Variants in COL25A1 observed in about 807,000 individuals in gnomAD.
COL25A1 encodes collagen type XXV alpha 1 chain.
In COL25A1, 103 loss-of-function variants were observed where a neutral mutation model predicts 128.4. The observed-to-expected ratio is 0.80, with a 90% CI of 0.68 to 0.94. The LOEUF (loss-of-function observed/expected upper bound fraction) is 0.94, where lower values mean the gene tolerates loss of function less well. Ranked by LOEUF, COL25A1 falls within the 40% of genes least tolerant of loss-of-function variation. The pLI, the probability that COL25A1 is intolerant of heterozygous loss-of-function variation, is 0.00. For synonymous variants in COL25A1, 279 were observed against 277.2 expected (o/e 1.01, Z -0.06); for missense variants, 745 against 840.0 (o/e 0.89, Z 1.40).
chr4:109,299,558 A>G (rs773885824), intron 3 of COL25A1, among the ~76,000 whole-genome samples: 4 of 152,160 alleles, frequency 2.6e-5, no homozygotes, highest in Non-Finnish European at 5.9e-5. Flanking sequence ...AGTTATCATG[A>G]GGGGGAAACG....
intron 8 of COL25A1, among the ~76,000 whole-genome samples, chr4:108,966,955 AAAAG>A (rs931534242): frequency 5.3e-5 from 8 of 151,262 alleles, no homozygotes; most frequent in Non-Finnish European, 7.4e-5. Context: ...GAAAGAAAGA[AAAAG>A]AAAGAAAGAA....
Position 109,197,479 on chromosome 4 carries a change from T to TTA in COL25A1, c.367+103102_367+103103dup, listed in dbSNP as rs1161999525. Among the ~76,000 whole-genome samples the TTA allele has an allele frequency of 5.9e-3, 691 of 117,774 alleles. 7 individuals carry two copies. Among genetic ancestry groups the TTA allele is most frequent in the African/African-American group, 0.02 (632 of 32,208 alleles). 77.3% of individuals were successfully genotyped at this position (117,774 alleles called of 152,430 possible). A position where few individuals can be genotyped will look rare whatever the true frequency, so the allele number is the denominator to read the frequency against. ...ATATAAATATTATATATAATATATATTATATATTATATATAAATATATATT... is the reference window on the plus strand; with the variant it reads ...ATATAAATATTATATATAATATATATTATATATATTATATATAAATATATATT... On this transcript the variant is annotated intron_variant, in intron 3 of 37. Coordinates refer to ENST00000399132, the MANE Select transcript of COL25A1 (RefSeq NM_198721.4).
intron 3 of COL25A1, among the ~76,000 whole-genome samples, chr4:109,248,860 G>A (rs1000284316): frequency 6.6e-6 from 1 of 152,126 alleles, no homozygotes; most frequent in Non-Finnish European, 1.5e-5. Context: ...ATAAGAAGAA[G>A]CACTACTCAA....
At chr4:108,826,317 C>T (rs1732373641) in intron 33 of COL25A1, among the ~76,000 whole-genome samples, 1 of 152,156 alleles carries the variant, frequency 6.6e-6, no homozygotes, top group Non-Finnish European at 1.5e-5. Flanking sequence ...AAGGGCGGAT[C>T]ACTTGAGGTC....
chr4:108,825,181 G>A lies in COL25A1; in HGVS notation c.1791+15C>T. ...CTATTATAATAGGATGATGTTTATT[G>A]TACTTATTACTTACATCAAGACCAG... On this transcript the variant is annotated intron_variant, in intron 34 of 37. Transcript: ENST00000399132. 6.3e-7 allele frequency: 1 copy of A among 1,595,266 alleles called. No individual in the cohort carries two copies. The highest frequency in any genetic ancestry group is 8.6e-7 in the Non-Finnish European group (1 of 1,163,330).
intron 3 of COL25A1, among the ~76,000 whole-genome samples, chr4:109,123,054 T>C (rs574898235): frequency 6.6e-6 from 1 of 152,088 alleles, no homozygotes; most frequent in Non-Finnish European, 1.5e-5. Flanking sequence ...ACAAAAGCTA[T>C]GCAAGGAGAA....
intron 3 of COL25A1, among the ~76,000 whole-genome samples, chr4:109,262,925 C>A (rs1479957944): frequency 6.6e-6 from 1 of 151,894 alleles, no homozygotes; most frequent in Non-Finnish European, 1.5e-5. Flanking sequence ...AGGTCAGGAG[C>A]TCGAGAGCAG....
At chr4:109,091,395 C>T (rs1396470835) in intron 3 of COL25A1, among the ~76,000 whole-genome samples, 1 of 152,144 alleles carries the variant, frequency 6.6e-6, no homozygotes, top group African/African-American at 2.4e-5. Context: ...AAAGTATTTC[C>T]TTTACGCTCA....
chr4:108,917,448 C>T (rs758207408), intron 13 of COL25A1, among the ~76,000 whole-genome samples: 2 of 152,124 alleles, frequency 1.3e-5, no homozygotes, highest in Non-Finnish European at 2.9e-5. Context: ...TCCTGACAAA[C>T]CGGCTCAGCA....
At chr4:109,135,254 A>G (rs1441846126) in intron 3 of COL25A1, among the ~76,000 whole-genome samples, 2 of 152,130 alleles carry the variant, frequency 1.3e-5, no homozygotes, top group Non-Finnish European at 2.9e-5. Context: ...AGGAGTGAGT[A>G]GGAATTGAGG....
intron 3 of COL25A1, among the ~76,000 whole-genome samples, chr4:109,269,679 G>C (rs890036750): frequency 1.3e-5 from 2 of 151,766 alleles, no homozygotes; most frequent in African/African-American, 4.9e-5. Flanking sequence ...TTCTCTGATG[G>C]CCAGTGACGG....
intron 9 of COL25A1, among the ~76,000 whole-genome samples, chr4:108,941,012 G>C (rs1748021835): frequency 6.6e-6 from 1 of 152,170 alleles, no homozygotes; most frequent in Non-Finnish European, 1.5e-5. Flanking sequence ...TGCATTTATA[G>C]TTAGACAAAT....
At position 108,870,703 on chromosome 4, in the gene COL25A1, T is replaced by A. The variant is rs188394209; in HGVS notation, c.1021-1553A>T. 2.3e-4 allele frequency among the ~76,000 whole-genome samples: 35 copies of A among 152,312 alleles called. 1 individual carries two copies. In the South Asian group the frequency reaches 3.9e-3, roughly 17 times the overall value. On this transcript the variant is annotated intron_variant, in intron 19 of 37. Transcript: ENST00000399132. ...AAACAAAAACATTATAAGGAATACA[T>A]CTGTTTACATGTAAAATATTTCACC...
chr4:109,021,867 A>G, intron 5 of COL25A1: 1 of 382,946 alleles, frequency 2.6e-6, no homozygotes, highest in South Asian at 1.9e-5. Context: ...CAGTACCCTC[A>G]GGCTTACTAG....
chr4:109,211,985 T>C (rs1055162807), intron 3 of COL25A1, among the ~76,000 whole-genome samples: 1 of 152,084 alleles, frequency 6.6e-6, no homozygotes, highest in Non-Finnish European at 1.5e-5. Flanking sequence ...GCCCTTGGAG[T>C]AACTAACTCT....
At chr4:109,004,200 A>G (rs1280443727) in intron 6 of COL25A1, among the ~76,000 whole-genome samples, 9 of 152,138 alleles carry the variant, frequency 5.9e-5, no homozygotes, top group Non-Finnish European at 1.3e-4. Context: ...CTATGACTGT[A>G]AAAGAGTTTG....
chr4:109,272,262 A>T (rs1360151952), intron 3 of COL25A1, among the ~76,000 whole-genome samples: 1 of 152,178 alleles, frequency 6.6e-6, no homozygotes, highest in Non-Finnish European at 1.5e-5. Flanking sequence ...AATCAAAGTT[A>T]TATCTCTTTT....
rs142138311 is a variant in COL25A1, at chr4:108,941,585, C to A, written c.493-148G>T. On this transcript the variant is annotated intron_variant, in intron 8 of 37. Coordinates refer to ENST00000399132, the MANE Select transcript of COL25A1 (RefSeq NM_198721.4). The stretch of plus-strand genomic sequence containing the variant: ...AAATAGAACTGGCACTTATGTCTAA[C>A]ATTAGACCCACTGGCTCTTCTTGAA... 66 of 587,166 alleles carry A rather than the reference C, an allele frequency of 1.1e-4. 1 individual carries two copies. Among genetic ancestry groups the A allele is most frequent in the African/African-American group, 1.0e-3 (54 of 53,528 alleles). The allele number at this position is 587,166 out of a possible 1,614,324, so 36.4% of individuals were successfully genotyped here. A position where few individuals can be genotyped will look rare whatever the true frequency, so the allele number is the denominator to read the frequency against.
chr4:109,211,932 A>G lies in COL25A1; in HGVS notation c.367+88651T>C, dbSNP rs144092499. Among the ~76,000 whole-genome samples, 502 of 152,298 alleles carry G rather than the reference A, an allele frequency of 3.3e-3. 2 individuals are homozygous for G. Among genetic ancestry groups the G allele is most frequent in the African/African-American group, 0.012 (480 of 41,576 alleles). On this transcript the variant is annotated intron_variant, in intron 3 of 37. Coordinates refer to ENST00000399132, the MANE Select transcript of COL25A1 (RefSeq NM_198721.4). Reference sequence around the variant, plus strand: ...AGAAAGAATGTGGGCTTTCACAGTCATAAGACCTGTATTTTGAATTCCAGG... The same window carrying G: ...AGAAAGAATGTGGGCTTTCACAGTCGTAAGACCTGTATTTTGAATTCCAGG...
Sources: allele counts gnomAD v4.1 joint callset (sites outside exome capture counted in the v4.1 genomes callset), GRCh38; gene constraint gnomAD v4.1.1; transcripts MANE v1.5; gene names NCBI Gene and HGNC (gene_info 2026-07-23, HGNC 2026-07-21).